SLC26A7: variants seen among roughly 807,000 people sequenced by gnomAD.
SLC26A7 encodes anion exchange transporter.
In SLC26A7, 59 loss-of-function variants were observed where a neutral mutation model predicts 82.5. The ratio of observed to expected loss-of-function variants is 0.72; its 90% confidence interval spans 0.58 to 0.89. The LOEUF is 0.89. Ranked by LOEUF, SLC26A7 falls within the 40% of genes least tolerant of loss-of-function variation. SLC26A7 has a pLI of 0.00. For missense variants in SLC26A7, 820 were observed against 793.0 expected (o/e 1.03, Z -0.41); for synonymous variants, 271 against 274.3 (o/e 0.99, Z 0.12).
intron 2 of SLC26A7, among the ~76,000 whole-genome samples, chr8:91,226,927 C>A (rs1318879930): frequency 6.6e-6 from 1 of 152,194 alleles, no homozygotes; most frequent in East Asian, 1.9e-4. Flanking sequence ...ACTCTGATGT[C>A]AGGAAATTTA....
At chr8:91,225,657 T>G (rs77846190) in intron 2 of SLC26A7, among the ~76,000 whole-genome samples, 59 of 126,570 alleles carry the variant, frequency 4.7e-4, no homozygotes, top group Non-Finnish European at 8.2e-4. Context: ...TTTTTTTTTT[T>G]TTTTTTTTTT....
intron 7 of SLC26A7, among the ~76,000 whole-genome samples, chr8:91,339,279 TAA>T (rs552827402): frequency 4.1e-5 from 6 of 148,142 alleles, no homozygotes; most frequent in African/African-American, 1.5e-4. Context: ...GGAGGTGGGT[TAA>T]AAAAAAAAGT....
At chr8:91,342,493 G>C (rs1813448556) in intron 8 of SLC26A7, among the ~76,000 whole-genome samples, 1 of 152,180 alleles carries the variant, frequency 6.6e-6, no homozygotes, top group Non-Finnish European at 1.5e-5. Flanking sequence ...TGTAGTGATG[G>C]ATGAGATGGA....
At chr8:91,218,774 A>C in intron 1 of SLC26A7, 1 of 620,824 alleles carries the variant, frequency 1.6e-6, no homozygotes, top group Non-Finnish European at 2.7e-6. Context: ...GCATAAATAG[A>C]ATAGTGCGTC....
rs1431611883 is a variant in SLC26A7, at chr8:91,397,797, A to T, written c.*2700A>T. 3 of 152,570 alleles carry T rather than the reference A, an allele frequency of 2.0e-5. No individual in the cohort carries two copies. The highest frequency in any genetic ancestry group is 7.2e-5 in the African/African-American group (3 of 41,458). 9.5% of individuals were successfully genotyped at this position (152,570 alleles called of 1,614,324 possible). A position where few individuals can be genotyped will look rare whatever the true frequency, so the allele number is the denominator to read the frequency against. ...TTTTAATGAAAACATTAATGTGTTA[A>T]TACCCTGTATGGATAATGCTTGACA... On this transcript the variant is annotated 3_prime_UTR_variant, in exon 19 of 19. Transcript: ENST00000276609.
chr8:91,337,353 C>T (rs776583287), intron 6 of SLC26A7, among the ~76,000 whole-genome samples: 4 of 152,034 alleles, frequency 2.6e-5, no homozygotes, highest in Non-Finnish European at 5.9e-5. Context: ...ATTGATGTGC[C>T]TCTTTTACAA....
intron 4 of SLC26A7, among the ~76,000 whole-genome samples, chr8:91,315,473 A>G (rs1229122678): frequency 6.7e-6 from 1 of 149,640 alleles, no homozygotes; most frequent in African/African-American, 2.5e-5. Flanking sequence ...AAAAAAAAAC[A>G]CCATGTTCCA....
At chr8:91,348,591 G>T (rs1813628713) in intron 9 of SLC26A7, among the ~76,000 whole-genome samples, 1 of 152,158 alleles carries the variant, frequency 6.6e-6, no homozygotes, top group Non-Finnish European at 1.5e-5. Context: ...GTATGATGTG[G>T]AAAGAAGGAG....
At chr8:91,297,941 T>G (rs1812059352) in intron 4 of SLC26A7, among the ~76,000 whole-genome samples, 1 of 152,204 alleles carries the variant, frequency 6.6e-6, no homozygotes, top group African/African-American at 2.4e-5. Flanking sequence ...AAGATTGTAT[T>G]GTTAAAGTGT....
chr8:91,344,029 ATGT>A, intron 9 of SLC26A7: 1 of 980,776 alleles, frequency 1.0e-6, no homozygotes, highest in Non-Finnish European at 1.2e-6. Context: ...GATGATGACG[ATGT>A]TGATGATGAC....
chr8:91,327,938 T>C (rs1812977917), intron 5 of SLC26A7, among the ~76,000 whole-genome samples: 1 of 152,110 alleles, frequency 6.6e-6, no homozygotes, highest in Admixed American at 6.6e-5. Context: ...GAAGAATTAT[T>C]ATCAATAATA....
chr8:91,299,197 T>A (rs1812095535), intron 4 of SLC26A7, among the ~76,000 whole-genome samples: 4 of 152,170 alleles, frequency 2.6e-5, no homozygotes, highest in Admixed American at 2.6e-4. Context: ...TCTTTATATA[T>A]TATGGATATT....
intron 2 of SLC26A7, among the ~76,000 whole-genome samples, chr8:91,271,121 A>T (rs1367142197): frequency 6.6e-6 from 1 of 152,220 alleles, no homozygotes; most frequent in Non-Finnish European, 1.5e-5. Context: ...CATCTTTAAG[A>T]CAATGCCCAA....
rs1363128012 is a variant in SLC26A7, at chr8:91,249,528, T to A, written c.-113-11T>A. The A allele has an allele frequency of 1.6e-6, 1 of 625,428 alleles. No homozygotes were observed. Among genetic ancestry groups the A allele is most frequent in the Non-Finnish European group, 2.5e-6 (1 of 403,110 alleles). 38.7% of individuals were successfully genotyped at this position (625,428 alleles called of 1,614,324 possible). A position where few individuals can be genotyped will look rare whatever the true frequency, so the allele number is the denominator to read the frequency against. On this transcript the variant is annotated splice_polypyrimidine_tract_variant and intron_variant, in intron 1 of 18. Coordinates refer to ENST00000276609, the MANE Select transcript of SLC26A7 (RefSeq NM_052832.4). ...CTCTCTCTCTCTTTTATTTACTTAT[T>A]TTCTGGGCAGCTTTGACATTGTAAA...
intron 4 of SLC26A7, among the ~76,000 whole-genome samples, chr8:91,317,082 C>T (rs1406615355): frequency 6.7e-6 from 1 of 148,454 alleles, no homozygotes; most frequent in African/African-American, 2.5e-5. Context: ...ATCACTTGAG[C>T]CTGGGGGGTG....
rs529357781 is a variant in SLC26A7 at position 91,288,457 on chromosome 8, G to A, written c.194-679G>A. Among the ~76,000 whole-genome samples, 3 of 152,216 alleles carry A rather than the reference G, an allele frequency of 2.0e-5. No homozygotes were observed. The South Asian group carries it at 6.2e-4, about 32-fold the overall frequency. Reference sequence around the variant, plus strand: ...GTGCATGTATCATACCAACTATGTAGGCAATAGTCTTTACAAGGAATAAAA... The same window carrying A: ...GTGCATGTATCATACCAACTATGTAAGCAATAGTCTTTACAAGGAATAAAA... On this transcript the variant is annotated intron_variant, in intron 2 of 18. Transcript: ENST00000276609.
In SLC26A7 at chr8:91,396,534, C is replaced by T. The variant is rs893898032; in HGVS notation, c.*1437C>T. On this transcript the variant is annotated 3_prime_UTR_variant, in exon 19 of 19. Transcript: ENST00000276609. ...ATGGCCATTAATTTTAACATTAAATCGTAGGTAGGGCAATGTAGTAAAATG... is the reference window on the plus strand; with the variant it reads ...ATGGCCATTAATTTTAACATTAAATTGTAGGTAGGGCAATGTAGTAAAATG... 4 of 151,896 alleles carry T rather than the reference C, an allele frequency of 2.6e-5. No individual in the cohort carries two copies. The highest frequency in any genetic ancestry group is 7.2e-5 in the African/African-American group (3 of 41,390). 9.4% of individuals were successfully genotyped at this position (151,896 alleles called of 1,614,324 possible). A position where few individuals can be genotyped will look rare whatever the true frequency, so the allele number is the denominator to read the frequency against.
chr8:91,317,470 T>C (rs964033159), intron 4 of SLC26A7, among the ~76,000 whole-genome samples: 2 of 152,212 alleles, frequency 1.3e-5, no homozygotes, highest in East Asian at 3.8e-4. Context: ...TGCCTAGTGT[T>C]CCACTATTGG....
intron 8 of SLC26A7, 113 bp downstream of exon 8, chr8:91,340,664 A>C: frequency 7.9e-7 from 1 of 1,272,940 alleles, no homozygotes; most frequent in Non-Finnish European, 1.1e-6. Flanking sequence ...CTGTACAGCA[A>C]GAGTGGGTTG....
Sources: gnomAD v4.1 joint callset for allele counts (sites outside exome capture counted in the v4.1 genomes callset) on GRCh38, gnomAD v4.1.1 for gene constraint, MANE v1.5 for transcripts, NCBI Gene and HGNC (gene_info 2026-07-23, HGNC 2026-07-21) for gene names.